Variants in HINT2 observed in about 807,000 individuals in gnomAD.
The protein encoded by HINT2 is histidine triad nucleotide binding protein 2, also known as adenosine 5'-monophosphoramidase HINT2.
Under a neutral mutation model 20.0 loss-of-function variants are expected in HINT2, and 17 were observed. The ratio of observed to expected loss-of-function variants is 0.85; its 90% CI spans 0.58 to 1.27. HINT2 has a LOEUF of 1.27. Ranked by LOEUF, HINT2 falls within the 50% of genes most tolerant of loss-of-function variation. The pLI, the probability that HINT2 is intolerant of heterozygous loss-of-function variation, is 0.00. For synonymous variants in HINT2, 96 were observed against 84.2 expected (o/e 1.14, Z -0.77); for missense variants, 217 against 211.9 (o/e 1.02, Z -0.15).
chr9:35,814,796 C>A (rs1435826473), intron 1 of HINT2, 103 bp downstream of exon 1: 4 of 1,028,038 alleles, frequency 3.9e-6, no homozygotes, highest in Non-Finnish European at 5.3e-6. Context: ...GCAGAGGCCA[C>A]AGGCAGGAGC....
chr9:35,815,206 T>A, upstream of HINT2: 1 of 464,564 alleles, frequency 2.2e-6, no homozygotes, highest in Non-Finnish European at 3.8e-6. Flanking sequence ...AGGACAATTT[T>A]CCATTCCATT....
At chr9:35,813,194 A>C (rs879828745) in intron 4 of HINT2, 49 bp from the exon 5 acceptor site, 1 of 1,612,452 alleles carries the variant, frequency 6.2e-7, no homozygotes, top group Admixed American at 1.7e-5. Flanking sequence ...CAGAGGTCGA[A>C]GAATGAAGAT....
At position 35,813,718 on chromosome 9, in the gene HINT2, C is replaced by T; in HGVS notation, c.148G>A (p.Gly50Arg). The change falls in exon 2 of 5, where the codon GGA becomes AGA. Residue 50 changes from glycine to arginine, a missense_variant. By Grantham distance (125) the Gly-to-Arg change is moderately radical. Coordinates refer to ENST00000259667, the MANE Select transcript of HINT2 (RefSeq NM_032593.3). The part of the protein sequence containing the change: ...VAKAQQATPG[G>R]AAPTIFSRIL... Reference sequence around the variant, plus strand: ...CGGGAGAAGATGGTTGGGGCTGCTCCCCCAGGAGTTGCCTGCTGGGCCTTG... The same window carrying T: ...CGGGAGAAGATGGTTGGGGCTGCTCTCCCAGGAGTTGCCTGCTGGGCCTTG... 4 of 1,614,170 alleles carry T rather than the reference C, an allele frequency of 2.5e-6. No homozygotes were observed. The highest frequency in any genetic ancestry group is 2.2e-5 in the East Asian group (1 of 44,880).
intron 1 of HINT2, 152 bp from the exon 2 acceptor site, chr9:35,813,936 A>C: frequency 1.2e-6 from 1 of 806,004 alleles, no homozygotes; most frequent in East Asian, 2.7e-5. Context: ...GGGTAGGGCC[A>C]GAAGGTGCTG....
intron 1 of HINT2, 108 bp from the exon 2 acceptor site, chr9:35,813,892 G>A: frequency 4.7e-6 from 6 of 1,282,110 alleles, no homozygotes; most frequent in Non-Finnish European, 6.3e-6. Flanking sequence ...CACCCAGGAG[G>A]AAAGTTCCTG....
Position 35,815,009 on chromosome 9 carries a change from G to A in HINT2, c.-30C>T, listed in dbSNP as rs985224047. ...CCTGAGCCGCGGGAACCTCTCACCC[G>A]GGTCAGCACTCGGCTCCGCGGCCGG... is the stretch of plus-strand genomic sequence containing the variant. On this transcript the variant is annotated 5_prime_UTR_variant, in exon 1 of 5. Coordinates refer to ENST00000259667, the MANE Select transcript of HINT2 (RefSeq NM_032593.3). 9 of 1,413,150 alleles carry A rather than the reference G, an allele frequency of 6.4e-6. No homozygotes were observed. Among genetic ancestry groups the A allele is most frequent in the Non-Finnish European group, 8.3e-6 (9 of 1,089,644 alleles). The allele number at this position is 1,413,150 out of a possible 1,614,324, so 87.5% of individuals were successfully genotyped here. A position where few individuals can be genotyped will look rare whatever the true frequency, so the allele number is the denominator to read the frequency against.
intron 4 of HINT2, 25 bp downstream of exon 4, chr9:35,813,241 G>A: frequency 6.2e-7 from 1 of 1,613,656 alleles, no homozygotes; most frequent in Non-Finnish European, 8.5e-7. Context: ...CATAGGTGAG[G>A]GACCAAGGGC....
At chr9:35,814,208 T>C (rs1828954242) in intron 1 of HINT2, 1 of 165,888 alleles carries the variant, frequency 6.0e-6, no homozygotes, top group Admixed American at 5.9e-5. Flanking sequence ...ACCTTGTTAG[T>C]ACATTTCCAC....
Position 35,813,462 on chromosome 9 carries a change from CA to C in HINT2, c.309del (p.Glu104LysfsTer8). On this transcript the variant is annotated frameshift_variant, in exon 3 of 5. Transcript: ENST00000259667. LOFTEE classifies it high-confidence loss of function. Reference sequence around the variant, plus strand: ...CTTCCCACCTGCTGGTCTTCTTCTTCAGCCTGGCTAATCCGAGGAATGGGCT... The same window carrying C: ...CTTCCCACCTGCTGGTCTTCTTCTTCGCCTGGCTAATCCGAGGAATGGGCT... ...PKKPIPRISQAEEEDQQLLGH... is the reference protein window; with the variant it reads ...PKKPIPRISQXEEEDQQLLGH... The C allele has an allele frequency of 6.2e-7, 1 of 1,614,156 alleles. No individual in the cohort carries two copies. The highest frequency in any genetic ancestry group is 8.5e-7 in the Non-Finnish European group (1 of 1,180,020).
chr9:35,813,306 C>G lies in HINT2; in HGVS notation c.360G>C (p.Gln120His), dbSNP rs1564001507. ...LLGHLLLVAK[Q>H]TAKAEGLGDG... Reference sequence around the variant, plus strand: ...CTCCCAGGCCCTCAGCCTTTGCTGTCTGCTTGGCCACAAGGAGTAGGTGTC... The same window carrying G: ...CTCCCAGGCCCTCAGCCTTTGCTGTGTGCTTGGCCACAAGGAGTAGGTGTC... Residue 120 changes from glutamine to histidine, a missense_variant, in exon 4 of 5, where the codon CAG becomes CAC. Coordinates refer to ENST00000259667, the MANE Select transcript of HINT2 (RefSeq NM_032593.3). 2 of 1,614,188 alleles carry G rather than the reference C, an allele frequency of 1.2e-6. No individual in the cohort carries two copies. Among genetic ancestry groups the G allele is most frequent in the Non-Finnish European group, 1.7e-6 (2 of 1,180,034 alleles).
At chr9:35,814,620 G>A (rs1828966629) in intron 1 of HINT2, 1 of 419,742 alleles carries the variant, frequency 2.4e-6, no homozygotes. Context: ...AGGGGGCATC[G>A]GGCCAGCTGG....
At position 35,813,255 on chromosome 9, in the gene HINT2, A is replaced by G. The variant is rs1380018608; in HGVS notation, c.400+11T>C. 6.2e-7 allele frequency: 1 copy of G among 1,614,132 alleles called. No individual in the cohort carries two copies. Among genetic ancestry groups the G allele is most frequent in the African/African-American group, 1.3e-5 (1 of 75,054 alleles). The stretch of plus-strand genomic sequence containing the variant: ...TCATAGGTGAGGGACCAAGGGCCAA[A>G]AGTCACTCACCAAGTCGGTATCCAT... On this transcript the variant is annotated intron_variant, in intron 4 of 4. Coordinates refer to ENST00000259667, the MANE Select transcript of HINT2 (RefSeq NM_032593.3).
intron 1 of HINT2, 141 bp from the exon 2 acceptor site, chr9:35,813,925 A>T: frequency 1.1e-6 from 1 of 920,712 alleles, no homozygotes; most frequent in Non-Finnish European, 1.6e-6. Context: ...CCAGCAGCAA[A>T]GGGTAGGGCC....
At position 35,813,335 on chromosome 9, in the gene HINT2, G is replaced by A; in HGVS notation, c.331C>T (p.Leu111=). The change falls in exon 4 of 5, where the codon CTA becomes TTA. Residue 111 remains leucine, a synonymous_variant. Coordinates refer to ENST00000259667, the MANE Select transcript of HINT2 (RefSeq NM_032593.3). ...TTGGCCACAAGGAGTAGGTGTCCTA[G>A]AAGCTATAGAGAGAGCGGAGGGACA... is the stretch of plus-strand genomic sequence containing the variant. ...SQAEEEDQQL[L]GHLLLVAKQT... is the part of the protein sequence containing the mutation. 1 of 1,614,016 alleles carries A rather than the reference G, an allele frequency of 6.2e-7. No individual in the cohort carries two copies. The highest frequency in any genetic ancestry group is 8.5e-7 in the Non-Finnish European group (1 of 1,179,860).
intron 3 of HINT2, 36 bp downstream of exon 3, chr9:35,813,409 C>A: frequency 6.2e-7 from 1 of 1,611,580 alleles, no homozygotes; most frequent in Non-Finnish European, 8.5e-7. Flanking sequence ...GGTCCAGGGG[C>A]TCCTCCCAGC....
rs755091743 is a variant in HINT2 at position 35,815,021 on chromosome 9, G to A, written c.-42C>T. The A allele has an allele frequency of 1.1e-5, 15 of 1,373,042 alleles. No individual in the cohort carries two copies. Among genetic ancestry groups the A allele is most frequent in the East Asian group, 3.1e-5 (1 of 32,244 alleles). 85.1% of individuals were successfully genotyped at this position (1,373,042 alleles called of 1,614,324 possible). On this transcript the variant is annotated 5_prime_UTR_variant, in exon 1 of 5. Transcript: ENST00000259667. ...GAACCTCTCACCCGGGTCAGCACTC[G>A]GCTCCGCGGCCGGCCGTGGGTGGGG...
chr9:35,814,884 C>G lies in HINT2; in HGVS notation c.81+15G>C. 1 of 1,488,976 alleles carries G rather than the reference C, an allele frequency of 6.7e-7. No individual in the cohort carries two copies. 92.2% of individuals were successfully genotyped at this position (1,488,976 alleles called of 1,614,324 possible). ...GCCCGCAGGACCCCCTACTCGCTCC[C>G]GCGCCACTTCTCACCTGCCCCCCGC... On this transcript the variant is annotated intron_variant, in intron 1 of 4. Transcript: ENST00000259667.
chr9:35,813,046 T>C lies in HINT2; in HGVS notation c.*8A>G. On this transcript the variant is annotated 3_prime_UTR_variant, in exon 5 of 5. Transcript: ENST00000259667. ...CAGAGTCTGGTGTCCTTTAATCAGT[T>C]GGCAGGTTCAACCTGGAGGCCACTG... 3 of 1,610,582 alleles carry C rather than the reference T, an allele frequency of 1.9e-6. No individual in the cohort carries two copies. The highest frequency in any genetic ancestry group is 2.5e-6 in the Non-Finnish European group (3 of 1,176,716).
intron 2 of HINT2, 26 bp from the exon 3 acceptor site, chr9:35,813,575 C>T (rs1828917617): frequency 3.1e-6 from 5 of 1,614,044 alleles, no homozygotes; most frequent in Admixed American, 1.7e-5. Context: ...GGCCAGAGGC[C>T]ACGTTACTTC....
Sources: allele counts gnomAD v4.1 joint callset, GRCh38; gene constraint gnomAD v4.1.1; transcripts MANE v1.5; gene names NCBI Gene and HGNC (gene_info 2026-07-23, HGNC 2026-07-21).